Variants in CDK19 observed in about 807,000 individuals in gnomAD.
The protein encoded by CDK19 is cyclin dependent kinase 19, also known as cyclin-dependent kinase 19.
In CDK19, 20 loss-of-function variants were observed where a neutral mutation model predicts 68.3. That is an observed-to-expected ratio of 0.29 (90% CI 0.21 to 0.43). The LOEUF (loss-of-function observed/expected upper bound fraction) is 0.43. Ranked by LOEUF, CDK19 falls within the 20% of genes least tolerant of loss-of-function variation. The probability of loss-of-function intolerance (pLI) is 1.00; values close to 1 mark genes in which losing one functional copy is unlikely to be tolerated. For missense variants in CDK19, 339 were observed against 623.5 expected, an observed-to-expected ratio of 0.54 and a Z score of 4.86; for synonymous variants, 221 against 222.8, an observed-to-expected ratio of 0.99 and a Z score of 0.07.
At chr6:110,719,833 C>T (rs1294673482) in intron 2 of CDK19, among the ~76,000 whole-genome samples, 1 of 152,068 alleles carries the variant, frequency 6.6e-6, no homozygotes, top group Non-Finnish European at 1.5e-5. Context: ...CAGGTTCAAG[C>T]GATTCTCCTG....
chr6:110,740,669 G>C (rs536037484), intron 2 of CDK19, among the ~76,000 whole-genome samples: 1 of 152,264 alleles, frequency 6.6e-6, no homozygotes, highest in African/African-American at 2.4e-5. Flanking sequence ...ATAGTCCCAA[G>C]TTTTAAAGTA....
At chr6:110,626,914 T>C (rs1375157892) in intron 7 of CDK19, 69 bp from the exon 8 acceptor site, 5 of 1,398,158 alleles carry the variant, frequency 3.6e-6, no homozygotes, top group Admixed American at 2.0e-5. Flanking sequence ...TTATGTTAGT[T>C]TATAAATATA....
intron 6 of CDK19, among the ~76,000 whole-genome samples, chr6:110,631,773 T>C (rs564548290): frequency 1.6e-4 from 25 of 152,360 alleles, no homozygotes; most frequent in African/African-American, 5.8e-4. Flanking sequence ...GTGCATGTTA[T>C]TGTTTCCATA....
chr6:110,665,670 A>C (rs1264430234), intron 4 of CDK19, among the ~76,000 whole-genome samples: 1 of 152,252 alleles, frequency 6.6e-6, no homozygotes, highest in Admixed American at 6.5e-5. Flanking sequence ...CATTAAGTGC[A>C]CAGCAGATTA....
chr6:110,682,012 A>G (rs1022342668), intron 2 of CDK19, among the ~76,000 whole-genome samples: 1 of 152,238 alleles, frequency 6.6e-6, no homozygotes, highest in Admixed American at 6.5e-5. Context: ...GTACTAGACT[A>G]AAAATTCCAG....
chr6:110,753,446 C>T (rs570239750), intron 1 of CDK19, among the ~76,000 whole-genome samples: 399 of 151,600 alleles, frequency 2.6e-3, no homozygotes, highest in Non-Finnish European at 4.0e-3. Context: ...TGCAGTAGCG[C>T]GATCATGGCT....
intron 3 of CDK19, among the ~76,000 whole-genome samples, chr6:110,668,824 C>T (rs1204652226): frequency 4.7e-5 from 7 of 149,412 alleles, no homozygotes; most frequent in African/African-American, 1.5e-4. Flanking sequence ...AAAAGTGAAA[C>T]TCCGTTTCAA....
intron 2 of CDK19, among the ~76,000 whole-genome samples, chr6:110,709,518 A>G (rs1322836112): frequency 2.0e-5 from 3 of 152,214 alleles, no homozygotes; most frequent in South Asian, 4.1e-4. Context: ...AAAAAAAAAA[A>G]AAAGAAAGGT....
At chr6:110,760,760 G>A (rs1177982553) in intron 1 of CDK19, among the ~76,000 whole-genome samples, 1 of 152,110 alleles carries the variant, frequency 6.6e-6, no homozygotes, top group African/African-American at 2.4e-5. Flanking sequence ...TCCCTACAAC[G>A]TGCTATGAAG....
chr6:110,792,327 T>C (rs1321921397), intron 1 of CDK19, among the ~76,000 whole-genome samples: 3 of 152,160 alleles, frequency 2.0e-5, no homozygotes, highest in Admixed American at 6.6e-5. Context: ...TTTACCTTTT[T>C]TCTTTATTTT....
intron 2 of CDK19, among the ~76,000 whole-genome samples, chr6:110,673,949 C>T (rs1333541667): frequency 1.3e-5 from 2 of 152,094 alleles, no homozygotes; most frequent in African/African-American, 2.4e-5. Context: ...TTCACAGATA[C>T]TGTGTTTTTC....
intron 3 of CDK19, among the ~76,000 whole-genome samples, chr6:110,668,616 T>C (rs1770716797): frequency 6.6e-6 from 1 of 152,088 alleles, no homozygotes; most frequent in African/African-American, 2.4e-5. Context: ...GTGGATCACC[T>C]GAGGTGAGGA....
chr6:110,777,094 T>G (rs906344452), intron 1 of CDK19, among the ~76,000 whole-genome samples: 6 of 152,228 alleles, frequency 3.9e-5, no homozygotes, highest in African/African-American at 1.4e-4. Context: ...TATCTATATG[T>G]CAGAAGCCAA....
chr6:110,759,832 A>T lies in CDK19; in HGVS notation c.129-13631T>A, dbSNP rs75984976. On this transcript the variant is annotated intron_variant, in intron 1 of 12. Transcript: ENST00000368911. ...CTGACCTCGTTAAATGATCCATTTC[A>T]TAGAAATGCCAACCCAAGACCAAAT... Among the ~76,000 whole-genome samples, 316 of 152,234 alleles carry T rather than the reference A, an allele frequency of 2.1e-3. 1 individual carries two copies. Among genetic ancestry groups the T allele is most frequent in the African/African-American group, 6.9e-3 (288 of 41,544 alleles).
intron 1 of CDK19, among the ~76,000 whole-genome samples, chr6:110,791,754 G>A (rs941716810): frequency 2.6e-5 from 4 of 151,980 alleles, no homozygotes; most frequent in Admixed American, 6.6e-5. Context: ...AGCCTTCTGA[G>A]TAGCTGAGAC....
chr6:110,788,329 A>AT (rs370219118), intron 1 of CDK19, among the ~76,000 whole-genome samples: 37 of 148,730 alleles, frequency 2.5e-4, no homozygotes, highest in African/African-American at 5.4e-4. Context: ...TGCCTGGCTA[A>AT]TTTTTTTTTT....
intron 1 of CDK19, among the ~76,000 whole-genome samples, chr6:110,798,494 G>C (rs909418144): frequency 6.6e-6 from 1 of 151,560 alleles, no homozygotes; most frequent in African/African-American, 2.4e-5. Flanking sequence ...CATGATGGCA[G>C]GCACCTGTAA....
intron 2 of CDK19, among the ~76,000 whole-genome samples, chr6:110,709,299 G>C (rs984355697): frequency 5.9e-5 from 9 of 152,092 alleles, no homozygotes; most frequent in African/African-American, 1.9e-4. Flanking sequence ...CTGTTCAACA[G>C]AGTGTGATAT....
At chr6:110,703,621 C>T (rs1166128172) in intron 2 of CDK19, among the ~76,000 whole-genome samples, 2 of 152,132 alleles carry the variant, frequency 1.3e-5, no homozygotes, top group Non-Finnish European at 2.9e-5. Flanking sequence ...AGGAGGACTA[C>T]TTGAGCCCAG....
Sources: allele counts gnomAD v4.1 joint callset (sites outside exome capture counted in the v4.1 genomes callset), GRCh38; gene constraint gnomAD v4.1.1; transcripts MANE v1.5; gene names NCBI Gene and HGNC (gene_info 2026-07-23, HGNC 2026-07-21).